Variants in GDI2 observed in about 807,000 individuals in gnomAD.
GDI2 encodes the protein GDP dissociation inhibitor 2.
A neutral mutation model predicts 54.2 loss-of-function variants in GDI2; 22 were observed. The observed-to-expected ratio is 0.41, with a 90% confidence interval of 0.29 to 0.58. The LOEUF (loss-of-function observed/expected upper bound fraction) is 0.58, where lower values mean the gene tolerates loss of function less well. GDI2 is among the 20% of genes least tolerant of loss of function. The pLI, the probability that GDI2 is intolerant of heterozygous loss-of-function variation, is 0.35. For synonymous variants in GDI2, 177 were observed against 182.1 expected (o/e 0.97, Z 0.23); for missense variants, 422 against 546.0 (o/e 0.77, Z 2.26).
chr10:5,791,939 C>T (rs1263716135), intron 4 of GDI2, among the ~76,000 whole-genome samples: 3 of 151,930 alleles, frequency 2.0e-5, no homozygotes, highest in Non-Finnish European at 2.9e-5. Flanking sequence ...GAGCAGAAAA[C>T]ATCTGGGATA....
At chr10:5,806,405 TA>T (rs367808153) in intron 1 of GDI2, among the ~76,000 whole-genome samples, 114 of 134,582 alleles carry the variant, frequency 8.5e-4, no homozygotes, top group Non-Finnish European at 1.2e-3. Flanking sequence ...AAAGAAAATT[TA>T]AAAAAAAAAA....
At chr10:5,798,340 C>G (rs891062476) in intron 2 of GDI2, among the ~76,000 whole-genome samples, 2 of 152,128 alleles carry the variant, frequency 1.3e-5, no homozygotes, top group Non-Finnish European at 2.9e-5. Flanking sequence ...GTAATTCCAG[C>G]ACTTTGTGAG....
chr10:5,776,942 C>T lies in GDI2; in HGVS notation c.720-3001G>A, dbSNP rs1231181077. ...CAGCAAAAAAATTAAAAGGGAAAAC[C>T]ACATAGAAGGGTAATCCCGGAAATG... On this transcript the variant is annotated intron_variant, in intron 6 of 10. Transcript: ENST00000380191. The surrounding 1 kb of genome is among the most constrained non-coding windows in gnomAD (Gnocchi z 5.3). 3 of 594,422 alleles carry T rather than the reference C, an allele frequency of 5.0e-6. No homozygotes were observed. The highest frequency in any genetic ancestry group is 8.7e-6 in the Non-Finnish European group (3 of 346,462). 36.8% of individuals were successfully genotyped at this position (594,422 alleles called of 1,614,324 possible).
At chr10:5,781,533 G>A (rs1259554594) in intron 6 of GDI2, among the ~76,000 whole-genome samples, 1 of 150,626 alleles carries the variant, frequency 6.6e-6, no homozygotes, top group Non-Finnish European at 1.5e-5. Context: ...GCTGAGGCAG[G>A]AGAATGGCGT....
chr10:5,791,568 A>C (rs970003238), intron 4 of GDI2, among the ~76,000 whole-genome samples: 1 of 151,944 alleles, frequency 6.6e-6, no homozygotes, highest in African/African-American at 2.4e-5. Context: ...ACCAACATGG[A>C]GAAACCCCGT....
At chr10:5,813,418 ACGGGAAGAGAAGAACTGGG>A (rs900236090) in exon 1 of GDI2, 141 of 360,350 alleles carry the variant, frequency 3.9e-4, no homozygotes, top group African/African-American at 3.1e-3. Context: ...GCCACCTCAG[ACGGGAAGAGAAGAACTGGG>A]CGGGGAGAGG....
At chr10:5,805,422 C>G (rs1275483282) in intron 1 of GDI2, among the ~76,000 whole-genome samples, 1 of 151,708 alleles carries the variant, frequency 6.6e-6, no homozygotes, top group Non-Finnish European at 1.5e-5. Context: ...CACTCCGTTG[C>G]CCAGCCTGGA....
intron 1 of GDI2, among the ~76,000 whole-genome samples, chr10:5,809,806 T>G (rs1190998088): frequency 6.6e-6 from 1 of 152,226 alleles, no homozygotes; most frequent in Non-Finnish European, 1.5e-5. Context: ...GTATCACGCA[T>G]GTGAACATCT....
intron 6 of GDI2, among the ~76,000 whole-genome samples, chr10:5,777,451 G>A (rs1422886715): frequency 1.3e-5 from 2 of 152,140 alleles, no homozygotes; most frequent in African/African-American, 4.8e-5. Flanking sequence ...TCCAGCCTGG[G>A]TGACAGAGTG....
Position 5,813,380 on chromosome 10 carries a change from T to C in GDI2, c.-122A>G, listed in dbSNP as rs1841517278. On this transcript the variant is annotated 5_prime_UTR_variant, in exon 1 of 11. Transcript: ENST00000380191. ...AAAGGGGAAGAGAAAGAGAGGAAAA[T>C]GGAGCTGGCGACAAGGCGAGACCGA... 5 of 589,830 alleles carry C rather than the reference T, an allele frequency of 8.5e-6. No homozygotes were observed. The Admixed American group carries it at 1.2e-4, about 14-fold the overall frequency. 36.5% of individuals were successfully genotyped at this position (589,830 alleles called of 1,614,324 possible). A position where few individuals can be genotyped will look rare whatever the true frequency, so the allele number is the denominator to read the frequency against.
At chr10:5,812,028 A>C in intron 1 of GDI2, 2 of 360,062 alleles carry the variant, frequency 5.6e-6, no homozygotes, top group East Asian at 1.1e-4. Flanking sequence ...TTGAAGTGGA[A>C]GTCTACATTA....
At chr10:5,787,065 C>G (rs952617652) in intron 4 of GDI2, among the ~76,000 whole-genome samples, 2 of 150,286 alleles carry the variant, frequency 1.3e-5, no homozygotes, top group Admixed American at 1.3e-4. Flanking sequence ...CCTTCTCCCC[C>G]CATTCCTAAG....
At chr10:5,799,663 A>G (rs1455392219) in intron 2 of GDI2, among the ~76,000 whole-genome samples, 2 of 152,264 alleles carry the variant, frequency 1.3e-5, no homozygotes, top group Admixed American at 6.5e-5. Context: ...AGAAAAATAA[A>G]TAAGAGAATA....
intron 1 of GDI2, among the ~76,000 whole-genome samples, chr10:5,803,372 C>T (rs934542679): frequency 6.6e-6 from 1 of 151,934 alleles, no homozygotes; most frequent in Non-Finnish European, 1.5e-5. Flanking sequence ...TGCAGTGAGC[C>T]GTGATAAGGC....
chr10:5,801,574 G>A (rs1044129934), intron 1 of GDI2, among the ~76,000 whole-genome samples: 41 of 152,106 alleles, frequency 2.7e-4, no homozygotes, highest in African/African-American at 9.4e-4. Flanking sequence ...TATTCAAGAG[G>A]CCAAGGCAGG....
At chr10:5,785,023 T>A (rs11598374) in intron 6 of GDI2, 119 bp downstream of exon 6, 1 of 622,972 alleles carries the variant, frequency 1.6e-6, no homozygotes, top group East Asian at 3.1e-5. Context: ...TCAATAAAAA[T>A]AAAAAGCATC....
Position 5,766,057 on chromosome 10 carries a change from A to G in GDI2, c.1287T>C (p.Phe429=). The G allele has an allele frequency of 6.3e-7, 1 of 1,595,618 alleles. No individual in the cohort carries two copies. The highest frequency in any genetic ancestry group is 8.5e-7 in the Non-Finnish European group (1 of 1,175,296). ...TCTTGCGCTTCATTTCCTCAAAGTC[A>G]AACTCTGATCCTGTCATCCTCTTAT... ...NIYKRMTGSE[F]DFEEMKRKKN... The change falls in exon 11 of 11, where the codon TTT becomes TTC. Residue 429 remains phenylalanine, a synonymous_variant. Coordinates refer to ENST00000380191, the MANE Select transcript of GDI2 (RefSeq NM_001494.4). This position sits in a 1 kb window ranked among gnomAD's most constrained non-coding sequence, Gnocchi z 5.8.
Position 5,765,656 on chromosome 10 carries a change from G to A in GDI2, c.*350C>T, listed in dbSNP as rs1219967093. Reference sequence around the variant, plus strand: ...CAAGAGGACAGATGACACACAACCTGTATGGATCCAGCTCTTGAGCAGCAG... The same window carrying A: ...CAAGAGGACAGATGACACACAACCTATATGGATCCAGCTCTTGAGCAGCAG... On this transcript the variant is annotated 3_prime_UTR_variant, in exon 11 of 11. Coordinates refer to ENST00000380191, the MANE Select transcript of GDI2 (RefSeq NM_001494.4). 1.1e-5 allele frequency: 2 copies of A among 183,528 alleles called. No individual in the cohort carries two copies. Among genetic ancestry groups the A allele is most frequent in the African/African-American group, 4.8e-5 (2 of 42,098 alleles). 11.4% of individuals were successfully genotyped at this position (183,528 alleles called of 1,614,324 possible). A position where few individuals can be genotyped will look rare whatever the true frequency, so the allele number is the denominator to read the frequency against.
At chr10:5,780,733 C>T (rs560405521) in intron 6 of GDI2, among the ~76,000 whole-genome samples, 1 of 152,278 alleles carries the variant, frequency 6.6e-6, no homozygotes, top group East Asian at 1.9e-4. Context: ...TAGATCTCTA[C>T]AGTGAAAGCT....
Sources: gnomAD v4.1 joint callset for allele counts (sites outside exome capture counted in the v4.1 genomes callset) on GRCh38, gnomAD v4.1.1 for gene constraint, Gnocchi (gnomAD v3.1) non-coding constraint, MANE v1.5 for transcripts, NCBI Gene and HGNC (gene_info 2026-07-23, HGNC 2026-07-21) for gene names.